Variants in SLC12A6 observed in about 807,000 individuals in gnomAD.
SLC12A6 encodes the protein K-Cl cotransporter 3.
In SLC12A6, 66 loss-of-function variants were observed where a neutral mutation model predicts 135.3. That is an observed-to-expected ratio of 0.49 (90% CI 0.40 to 0.60). The LOEUF (loss-of-function observed/expected upper bound fraction) is 0.60. Among genes scored for constraint, SLC12A6 ranks in the 20% least tolerant of loss-of-function variants. The pLI is 0.00. For synonymous variants in SLC12A6, 513 were observed against 508.8 expected, an observed-to-expected ratio of 1.01 and a Z score of -0.11; for missense variants, 1,058 against 1,452.3, an observed-to-expected ratio of 0.73 and a Z score of 4.41.
At chr15:34,241,836 A>G (rs1388994671) in intron 17 of SLC12A6, among the ~76,000 whole-genome samples, 1 of 152,184 alleles carries the variant, frequency 6.6e-6, no homozygotes, top group African/African-American at 2.4e-5. Context: ...AAATATTTAC[A>G]TTTGTGTTGT....
chr15:34,336,371 C>T (rs761598062), intron 2 of SLC12A6, 39 bp downstream of exon 2: 1 of 1,536,680 alleles, frequency 6.5e-7, no homozygotes, highest in Non-Finnish European at 9.0e-7. Flanking sequence ...ATAAAGAACC[C>T]AGTAATGAAA....
intron 2 of SLC12A6, among the ~76,000 whole-genome samples, chr15:34,287,894 A>G (rs1764204548): frequency 6.6e-6 from 1 of 152,080 alleles, no homozygotes; most frequent in African/African-American, 2.4e-5. Context: ...TGTCAGATGG[A>G]TAGATAGCAA....
At chr15:34,297,270 G>A (rs1222561874) in intron 2 of SLC12A6, among the ~76,000 whole-genome samples, 1 of 151,996 alleles carries the variant, frequency 6.6e-6, no homozygotes, top group African/African-American at 2.4e-5. Flanking sequence ...AAGCATGCTG[G>A]TATTTCATTT....
intron 2 of SLC12A6, chr15:34,314,883 C>A (rs1595558887): frequency 6.6e-6 from 1 of 151,038 alleles, no homozygotes; most frequent in South Asian, 2.1e-4. Context: ...TCCTAGCCCT[C>A]ATGGATGACT....
At chr15:34,275,529 A>C in intron 2 of SLC12A6, 140 bp from the exon 3 acceptor site, 1 of 638,180 alleles carries the variant, frequency 1.6e-6, no homozygotes. Flanking sequence ...TGAAGATAAT[A>C]AAAAATAGAA....
intron 2 of SLC12A6, among the ~76,000 whole-genome samples, chr15:34,292,656 C>G (rs1005714919): frequency 6.6e-6 from 1 of 152,176 alleles, no homozygotes; most frequent in Admixed American, 6.5e-5. Context: ...GCCCAGTTCG[C>G]GGTTCCCTGC....
Position 34,230,482 on chromosome 15 carries a change from TC to T in SLC12A6, c.*3398del. 1 of 152,586 alleles carries T rather than the reference TC, an allele frequency of 6.6e-6. No homozygotes were observed. Among genetic ancestry groups the T allele is most frequent in the Non-Finnish European group, 1.5e-5 (1 of 68,060 alleles). The allele number at this position is 152,586 out of a possible 1,614,324, so 9.5% of individuals were successfully genotyped here. On this transcript the variant is annotated 3_prime_UTR_variant, in exon 26 of 26. Coordinates refer to ENST00000354181, the MANE Select transcript of SLC12A6 (RefSeq NM_001365088.1). The stretch of plus-strand genomic sequence containing the variant: ...CCCTGCCGAAGGAACCTGGCACCTG[TC>T]AAGCAGATGCTGCAGTTCAAACTTC...
chr15:34,229,837 T>A lies in SLC12A6; in HGVS notation c.*4044A>T. ...CCTATGTATTTGGGTCTTATTTACATCCTTCTTTAAGCCCAGTGGCTCCTC... is the reference window on the plus strand; with the variant it reads ...CCTATGTATTTGGGTCTTATTTACAACCTTCTTTAAGCCCAGTGGCTCCTC... On this transcript the variant is annotated 3_prime_UTR_variant, in exon 26 of 26. Coordinates refer to ENST00000354181, the MANE Select transcript of SLC12A6 (RefSeq NM_001365088.1). 6.3e-7 allele frequency: 1 copy of A among 1,597,824 alleles called. No homozygotes were observed. The highest frequency in any genetic ancestry group is 8.6e-7 in the Non-Finnish European group (1 of 1,165,182).
At chr15:34,310,490 G>A (rs1168924077) in intron 2 of SLC12A6, among the ~76,000 whole-genome samples, 1 of 114,910 alleles carries the variant, frequency 8.7e-6, no homozygotes, top group African/African-American at 3.4e-5. Flanking sequence ...GTGTGTGTGT[G>A]TGTGTATGTA....
intron 1 of SLC12A6, chr15:34,337,092 GGTGA>G (rs1290911024): frequency 9.5e-6 from 3 of 315,394 alleles, no homozygotes; most frequent in Non-Finnish European, 1.8e-5. Flanking sequence ...TCCTTTATCT[GGTGA>G]GTGTCCCACG....
intron 8 of SLC12A6, 43 bp downstream of exon 8, chr15:34,255,219 A>G (rs776728827): frequency 4.2e-6 from 6 of 1,443,980 alleles, no homozygotes; most frequent in Admixed American, 3.3e-5. Flanking sequence ...ACCTAAATCA[A>G]TATTTCTTCT....
At chr15:34,287,434 A>T (rs998885679) in intron 2 of SLC12A6, among the ~76,000 whole-genome samples, 2 of 152,194 alleles carry the variant, frequency 1.3e-5, no homozygotes, top group Admixed American at 1.3e-4. Flanking sequence ...TAGTGCCGCA[A>T]TAAACATGCA....
intron 2 of SLC12A6, among the ~76,000 whole-genome samples, chr15:34,303,396 G>T (rs2141025362): frequency 6.6e-6 from 1 of 152,162 alleles, no homozygotes; most frequent in Non-Finnish European, 1.5e-5. Context: ...AATGTGTCAT[G>T]ATCTTCAATA....
intron 2 of SLC12A6, among the ~76,000 whole-genome samples, chr15:34,281,745 G>A (rs1031610374): frequency 1.3e-5 from 2 of 152,050 alleles, no homozygotes; most frequent in African/African-American, 2.4e-5. Flanking sequence ...CCAAGATGGC[G>A]CCACTGCACT....
At chr15:34,269,879 T>C (rs77607720) in intron 3 of SLC12A6, among the ~76,000 whole-genome samples, 6,010 of 152,284 alleles carry the variant, frequency 0.039, 220 homozygotes, top group African/African-American at 0.099. Flanking sequence ...CCTTTTGAGA[T>C]ATTAGCAATT....
chr15:34,322,629 G>A (rs1163056448), intron 2 of SLC12A6, among the ~76,000 whole-genome samples: 1 of 151,970 alleles, frequency 6.6e-6, no homozygotes, highest in South Asian at 2.1e-4. Context: ...GTATCTAGGT[G>A]GTGGGTGTAT....
intron 3 of SLC12A6, among the ~76,000 whole-genome samples, chr15:34,261,782 C>T (rs943116560): frequency 1.3e-5 from 2 of 152,190 alleles, no homozygotes; most frequent in Admixed American, 6.5e-5. Flanking sequence ...TTTTGATTTG[C>T]ATTTCTCTGA....
At position 34,267,801 on chromosome 15, in the gene SLC12A6, C is replaced by T. The variant is rs150797439; in HGVS notation, c.317-6781G>A. Among the ~76,000 whole-genome samples, 1,005 of 152,264 alleles carry T rather than the reference C, an allele frequency of 6.6e-3. 11 individuals are homozygous for T. The highest frequency in any genetic ancestry group is 0.048 in the South Asian group (232 of 4,832). On this transcript the variant is annotated intron_variant, in intron 3 of 25. Transcript: ENST00000354181. ...ATGAACTGTCCTTTCTCTCTGGCTG[C>T]TTTCAAGATCTTTTCTTAGATTTTC...
intron 2 of SLC12A6, among the ~76,000 whole-genome samples, chr15:34,301,127 C>G (rs1314815606): frequency 6.6e-6 from 1 of 152,042 alleles, no homozygotes; most frequent in Non-Finnish European, 1.5e-5. Context: ...CACCACCACA[C>G]CTGGCTAATT....
Sources: gnomAD v4.1 joint callset for allele counts (sites outside exome capture counted in the v4.1 genomes callset) on GRCh38, gnomAD v4.1.1 for gene constraint, MANE v1.5 for transcripts, NCBI Gene and HGNC (gene_info 2026-07-23, HGNC 2026-07-21) for gene names.